Variants in PDZD8 observed in about 807,000 individuals in gnomAD.
The protein encoded by PDZD8 is PDZ domain-containing protein 8.
A neutral mutation model predicts 85.8 loss-of-function variants in PDZD8; 14 were observed. The ratio of observed to expected loss-of-function variants is 0.16; its 90% CI spans 0.11 to 0.26. The LOEUF is 0.26. PDZD8 is among the 10% of genes least tolerant of loss of function. The pLI is 1.00. For missense variants in PDZD8, 1,197 were observed against 1,424.3 expected (o/e 0.84, Z 2.57); for synonymous variants, 592 against 568.6 (o/e 1.04, Z -0.59).
intron 1 of PDZD8, among the ~76,000 whole-genome samples, chr10:117,342,631 C>G (rs1450463699): frequency 6.6e-6 from 1 of 152,170 alleles, no homozygotes; most frequent in African/African-American, 2.4e-5. Flanking sequence ...GCATGCACCA[C>G]TATACCTGGA....
Position 117,374,475 on chromosome 10 carries a change from G to T in PDZD8, c.753C>A (p.Ile251=). The T allele has an allele frequency of 6.2e-7, 1 of 1,614,070 alleles. No homozygotes were observed. Among genetic ancestry groups the T allele is most frequent in the Non-Finnish European group, 8.5e-7 (1 of 1,179,972 alleles). The part of the protein sequence containing the change: ...WFFSFVEDPL[I]DFEVRSQFEG... ...CAAACTGGGAGCGCACCTCGAAGTCGATCAGCGGGTCTTCCACGAAGGAGA... is the reference window on the plus strand; with the variant it reads ...CAAACTGGGAGCGCACCTCGAAGTCTATCAGCGGGTCTTCCACGAAGGAGA... The change falls in exon 1 of 5, where the codon ATC becomes ATA. Residue 251 remains isoleucine, a synonymous_variant. Transcript: ENST00000334464. The surrounding 1 kb of genome is among the most constrained non-coding windows in gnomAD (Gnocchi z 7.8).
chr10:117,345,693 A>T (rs1293117346), intron 1 of PDZD8, among the ~76,000 whole-genome samples: 2 of 152,138 alleles, frequency 1.3e-5, no homozygotes, highest in Non-Finnish European at 2.9e-5. Flanking sequence ...CAAAGAAAAA[A>T]CAAAACAAAA....
At chr10:117,309,030 C>A (rs1314733181) in intron 3 of PDZD8, among the ~76,000 whole-genome samples, 1 of 152,044 alleles carries the variant, frequency 6.6e-6, no homozygotes, top group Non-Finnish European at 1.5e-5. Context: ...AGTTCTGCAT[C>A]CGTGTATGGC....
chr10:117,348,778 C>T (rs749148549), intron 1 of PDZD8, among the ~76,000 whole-genome samples: 37 of 152,122 alleles, frequency 2.4e-4, no homozygotes, highest in Admixed American at 6.6e-4. Context: ...CATATTTTAT[C>T]AATTTTTGAG....
At chr10:117,349,921 G>C (rs1419181025) in intron 1 of PDZD8, among the ~76,000 whole-genome samples, 2 of 152,184 alleles carry the variant, frequency 1.3e-5, no homozygotes, top group African/African-American at 4.8e-5. Flanking sequence ...ATATTACTTA[G>C]TGAAATCTTT....
Position 117,325,301 on chromosome 10 carries a change from C to T in PDZD8, c.996-6327G>A, listed in dbSNP as rs533582093. Among the ~76,000 whole-genome samples the T allele has an allele frequency of 1.4e-3, 212 of 151,514 alleles. 1 individual carries two copies. The highest frequency in any genetic ancestry group is 2.4e-3 in the Non-Finnish European group (162 of 67,908). ...ATAATCTATTAAGTACTATAGGTGA[C>T]GTTTAATGGTGAGCCCTGGGTTTGG... On this transcript the variant is annotated intron_variant, in intron 2 of 4. Transcript: ENST00000334464.
chr10:117,320,177 T>A (rs530930511), intron 2 of PDZD8, among the ~76,000 whole-genome samples: 12 of 152,074 alleles, frequency 7.9e-5, no homozygotes, highest in Non-Finnish European at 1.3e-4. Context: ...AAGAAGGCAG[T>A]CCAAATACAT....
Position 117,277,819 on chromosome 10 carries a change from G to A in PDZD8, c.*5449C>T, listed in dbSNP as rs907648657. ...TAGTTCTCTCAAGTGTAGAGGACAA[G>A]AACTTGTGTCAGTTATCTTTTGAAT... is the stretch of plus-strand genomic sequence containing the variant. On this transcript the variant is annotated 3_prime_UTR_variant, in exon 5 of 5. Transcript: ENST00000334464. 10 of 152,158 alleles carry A rather than the reference G, an allele frequency of 6.6e-5. No homozygotes were observed. Among genetic ancestry groups the A allele is most frequent in the African/African-American group, 2.2e-4 (9 of 41,430 alleles). The allele number at this position is 152,158 out of a possible 1,614,324, so 9.4% of individuals were successfully genotyped here. A position where few individuals can be genotyped will look rare whatever the true frequency, so the allele number is the denominator to read the frequency against.
intron 3 of PDZD8, among the ~76,000 whole-genome samples, chr10:117,308,740 G>C (rs2133793370): frequency 6.6e-6 from 1 of 152,224 alleles, no homozygotes; most frequent in African/African-American, 2.4e-5. Context: ...CTGCCAGCTA[G>C]CTGGGTGATT....
chr10:117,328,530 G>A (rs962886547), intron 2 of PDZD8, among the ~76,000 whole-genome samples: 23 of 152,140 alleles, frequency 1.5e-4, no homozygotes, highest in African/African-American at 5.5e-4. Flanking sequence ...TCTCACCTCA[G>A]CCTCTGGAAT....
chr10:117,319,859 G>A (rs1198267222), intron 2 of PDZD8, among the ~76,000 whole-genome samples: 3 of 151,942 alleles, frequency 2.0e-5, no homozygotes, highest in African/African-American at 4.8e-5. Context: ...TAACACTAAC[G>A]AACATGTTGA....
chr10:117,350,891 G>GA (rs11315947), intron 1 of PDZD8, among the ~76,000 whole-genome samples: 28,366 of 127,506 alleles, frequency 0.22, 3,814 homozygotes, highest in Non-Finnish European at 0.33. Context: ...GTGACAAAGT[G>GA]AAAAAAAAAA....
intron 1 of PDZD8, among the ~76,000 whole-genome samples, chr10:117,372,408 TAA>T (rs5788228): frequency 7.3e-4 from 110 of 151,202 alleles, no homozygotes; most frequent in African/African-American, 2.6e-3. Flanking sequence ...AAGTCTACAT[TAA>T]AAAAAAAATC....
intron 3 of PDZD8, among the ~76,000 whole-genome samples, chr10:117,307,148 T>TAC: frequency 6.6e-6 from 1 of 152,230 alleles, no homozygotes; most frequent in Non-Finnish European, 1.5e-5. Context: ...AATGGGTGTA[T>TAC]GTGTATGTTT....
chr10:117,284,337 CCTT>C lies in PDZD8; in HGVS notation c.2393_2395del (p.Glu798del), dbSNP rs1443877759. 1.9e-6 allele frequency: 3 copies of C among 1,614,140 alleles called. No individual in the cohort carries two copies. Among genetic ancestry groups the C allele is most frequent in the Non-Finnish European group, 2.5e-6 (3 of 1,180,008 alleles). On this transcript the variant is annotated inframe_deletion, in exon 5 of 5. Transcript: ENST00000334464. ...AGTAACTACATGGTGGTCTGATTCT[CCTT>C]CTTTCAAATATTTGAAGTGAATAGT...
intron 3 of PDZD8, among the ~76,000 whole-genome samples, chr10:117,316,220 A>G (rs2532784): frequency 0.77 from 117,044 of 151,716 alleles, 45,736 homozygotes; most frequent in Non-Finnish European, 0.85. Flanking sequence ...TTTATTGTAT[A>G]AATGAGCTAA....
intron 2 of PDZD8, among the ~76,000 whole-genome samples, chr10:117,330,590 T>TAA (rs1218277057): frequency 6.6e-6 from 1 of 152,190 alleles, no homozygotes; most frequent in Non-Finnish European, 1.5e-5. Flanking sequence ...AGTCACTCAC[T>TAA]AAACCCTGTC....
At chr10:117,290,134 A>G in intron 4 of PDZD8, 52 bp downstream of exon 4, 1 of 1,484,922 alleles carries the variant, frequency 6.7e-7, no homozygotes, top group Non-Finnish European at 9.1e-7. Context: ...CCTCACACCT[A>G]CTTTGTAGTT....
At chr10:117,364,490 C>CGCAT in intron 1 of PDZD8, among the ~76,000 whole-genome samples, 1 of 152,036 alleles carries the variant, frequency 6.6e-6, no homozygotes, top group Admixed American at 6.6e-5. Flanking sequence ...CACACACACA[C>CGCAT]ACGCATATTT....
Sources: gnomAD v4.1 joint callset for allele counts (sites outside exome capture counted in the v4.1 genomes callset) on GRCh38, gnomAD v4.1.1 for gene constraint, Gnocchi (gnomAD v3.1) non-coding constraint, MANE v1.5 for transcripts, NCBI Gene and HGNC (gene_info 2026-07-23, HGNC 2026-07-21) for gene names.